The following TNFSF11 variants were observed in gnomAD, a reference collection of about 807,000 sequenced individuals.
TNFSF11 encodes the protein tumor necrosis factor ligand superfamily member 11.
TNFSF11 carries 12 observed loss-of-function variants against 32.2 expected under a neutral mutation model. That is an observed-to-expected ratio of 0.37 (90% confidence interval 0.24 to 0.60). TNFSF11 has a LOEUF of 0.60. Ranked by LOEUF, TNFSF11 falls within the 20% of genes least tolerant of loss-of-function variation. The pLI, the probability that TNFSF11 is intolerant of heterozygous loss-of-function variation, is 0.66. For missense variants in TNFSF11, 345 were observed against 398.0 expected, an observed-to-expected ratio of 0.87 and a Z score of 1.13; for synonymous variants, 172 against 152.1, an observed-to-expected ratio of 1.13 and a Z score of -0.96.
chr13:42,606,576 A>G lies in TNFSF11; in HGVS notation c.612A>G (p.Gly204=). The change falls in exon 5 of 5, where the codon GGA becomes GGG. Residue 204 remains glycine (G), a synonymous_variant. Coordinates refer to ENST00000398795, the MANE Select transcript of TNFSF11 (RefSeq NM_003701.4). ...AKISNMTFSN[G]KLIVNQDGFY... ...TCTCCAACATGACTTTTAGCAATGGAAAACTAATAGTTAATCAGGATGGCT... is the reference window on the plus strand; with the variant it reads ...TCTCCAACATGACTTTTAGCAATGGGAAACTAATAGTTAATCAGGATGGCT... The G allele has an allele frequency of 6.2e-7, 1 of 1,614,230 alleles. No individual in the cohort carries two copies. Among genetic ancestry groups the G allele is most frequent in the Non-Finnish European group, 8.5e-7 (1 of 1,180,046 alleles).
chr13:42,585,919 G>C (rs1873873426), intron 2 of TNFSF11, among the ~76,000 whole-genome samples: 1 of 152,210 alleles, frequency 6.6e-6, no homozygotes, highest in South Asian at 2.1e-4. Flanking sequence ...GCAGGAGAAA[G>C]GTCAATAAAC....
chr13:42,586,496 T>C (rs972171988), intron 2 of TNFSF11, among the ~76,000 whole-genome samples: 1 of 152,230 alleles, frequency 6.6e-6, no homozygotes, highest in Non-Finnish European at 1.5e-5. Context: ...AGGTTTATTT[T>C]TGTTAGAAGT....
chr13:42,581,565 C>G (rs1315880902), intron 2 of TNFSF11, among the ~76,000 whole-genome samples: 1 of 152,104 alleles, frequency 6.6e-6, no homozygotes, highest in South Asian at 2.1e-4. Context: ...AAATTCACAC[C>G]TTAAGACTAA....
chr13:42,578,557 C>T (rs965838360), intron 1 of TNFSF11, among the ~76,000 whole-genome samples: 1 of 152,184 alleles, frequency 6.6e-6, no homozygotes, highest in Non-Finnish European at 1.5e-5. Context: ...GCAATTATTC[C>T]ATGCATTCTT....
chr13:42,566,564 A>G (rs1365340428), intron 1 of TNFSF11: 1 of 152,362 alleles, frequency 6.6e-6, no homozygotes, highest in East Asian at 1.9e-4. Context: ...AGATCAATTG[A>G]AGGGAAAAAA....
intron 2 of TNFSF11, among the ~76,000 whole-genome samples, chr13:42,592,519 G>A (rs554507565): frequency 1.4e-4 from 22 of 152,346 alleles, no homozygotes; most frequent in Middle Eastern, 3.4e-3. Context: ...TCAGCACCTG[G>A]CATGTTCACC....
chr13:42,584,891 A>T (rs922621089), intron 2 of TNFSF11, among the ~76,000 whole-genome samples: 6 of 152,248 alleles, frequency 3.9e-5, no homozygotes, highest in Non-Finnish European at 7.3e-5. Flanking sequence ...AAAGAATTAT[A>T]AATTAAAGCT....
intron 4 of TNFSF11, among the ~76,000 whole-genome samples, chr13:42,603,285 T>C (rs1236463128): frequency 2.0e-5 from 3 of 152,162 alleles, no homozygotes; most frequent in African/African-American, 7.2e-5. Context: ...TTTAGGAGGA[T>C]ACTCAGGCTA....
At chr13:42,594,879 A>G (rs1034820927) in intron 2 of TNFSF11, among the ~76,000 whole-genome samples, 2 of 152,188 alleles carry the variant, frequency 1.3e-5, no homozygotes, top group East Asian at 1.9e-4. Context: ...TCTTTTGTGT[A>G]CTTTGTTTCC....
In TNFSF11 at chr13:42,606,550, A is replaced by G. The variant is rs1223468364; in HGVS notation, c.586A>G (p.Ile196Val). 17 of 1,614,104 alleles carry G rather than the reference A, an allele frequency of 1.1e-5. No individual in the cohort carries two copies. The highest frequency in any genetic ancestry group is 1.4e-5 in the Non-Finnish European group (17 of 1,180,054). ...GTACCATGATCGGGGTTGGGCCAAG[A>G]TCTCCAACATGACTTTTAGCAATGG... ...SWYHDRGWAK[I>V]SNMTFSNGKL... Residue 196 changes from isoleucine to valine, a missense_variant, in exon 5 of 5, where the codon ATC becomes GTC. By Grantham distance (29) the Ile-to-Val change is conservative. Transcript: ENST00000398795.
At chr13:42,564,791 T>C (rs1001196981) in intron 1 of TNFSF11, among the ~76,000 whole-genome samples, 1 of 152,244 alleles carries the variant, frequency 6.6e-6, no homozygotes, top group East Asian at 1.9e-4. Flanking sequence ...CTGAGCTGGA[T>C]TGCAGCTTTA....
intron 3 of TNFSF11, 37 bp from the exon 4 acceptor site, chr13:42,600,846 A>G: frequency 6.2e-7 from 1 of 1,614,104 alleles, no homozygotes; most frequent in Non-Finnish European, 8.5e-7. Flanking sequence ...GGTCACTACT[A>G]TTTTGGCTAT....
intron 2 of TNFSF11, among the ~76,000 whole-genome samples, chr13:42,567,642 G>C (rs568653073): frequency 6.6e-6 from 1 of 152,226 alleles, no homozygotes; most frequent in South Asian, 2.1e-4. Context: ...TGGGATGGTA[G>C]GTCAGATGCC....
intron 1 of TNFSF11, chr13:42,562,997 G>C (rs1872725426): frequency 6.6e-6 from 1 of 152,222 alleles, no homozygotes; most frequent in Non-Finnish European, 1.5e-5. Flanking sequence ...GGGGAGAACT[G>C]TAAACAGTCA....
At chr13:42,590,344 T>G (rs977339767) in intron 2 of TNFSF11, among the ~76,000 whole-genome samples, 1 of 152,244 alleles carries the variant, frequency 6.6e-6, no homozygotes, top group African/African-American at 2.4e-5. Flanking sequence ...GTTTTCCTGC[T>G]TCTTTGAGAG....
Position 42,585,567 on chromosome 13 carries a change from G to A in TNFSF11, c.387+4274G>A, listed in dbSNP as rs1227037361. Among the ~76,000 whole-genome samples the A allele has an allele frequency of 2.6e-5, 4 of 152,118 alleles. No individual in the cohort carries two copies. In the East Asian group the frequency reaches 7.7e-4, roughly 29 times the overall value. ...TATAAAGTCTATCATAACAGTCTAT[G>A]ACAATAAAGAAAACACTAGTACAAA... On this transcript the variant is annotated intron_variant, in intron 2 of 4. Coordinates refer to ENST00000398795, the MANE Select transcript of TNFSF11 (RefSeq NM_003701.4).
chr13:42,589,728 G>A (rs1874075528), intron 2 of TNFSF11, among the ~76,000 whole-genome samples: 1 of 152,206 alleles, frequency 6.6e-6, no homozygotes, highest in African/African-American at 2.4e-5. Flanking sequence ...GCAGTAATCA[G>A]CAAGTGCAGA....
chr13:42,574,548 C>A, intron 1 of TNFSF11, 26 bp downstream of exon 1: 1 of 1,599,406 alleles, frequency 6.3e-7, no homozygotes, highest in Non-Finnish European at 8.5e-7. Context: ...CCCAGGGGAT[C>A]GCGGCTGAGA....
At chr13:42,568,175 A>G (rs1332261901) in intron 2 of TNFSF11, among the ~76,000 whole-genome samples, 1 of 152,198 alleles carries the variant, frequency 6.6e-6, no homozygotes, top group African/African-American at 2.4e-5. Flanking sequence ...CGTAACATGC[A>G]TGTTTGCTTA....
Sources: gnomAD v4.1 joint callset for allele counts (sites outside exome capture counted in the v4.1 genomes callset) on GRCh38, gnomAD v4.1.1 for gene constraint, MANE v1.5 for transcripts, NCBI Gene and HGNC (gene_info 2026-07-23, HGNC 2026-07-21) for gene names.